The following PRRT1B variants were observed in gnomAD, a reference collection of about 807,000 sequenced individuals.
PRRT1B encodes the protein dispanin subfamily D member 2.
chr9:131,555,605 G>A (rs1951043914), intron 2 of PRRT1B, among the ~76,000 whole-genome samples: 1 of 152,038 alleles, frequency 6.6e-6, no homozygotes, highest in African/African-American at 2.4e-5. Context: ...GAGCCAGGGA[G>A]GTTGAGGCTG....
At chr9:131,552,367 T>C (rs543115843) in intron 1 of PRRT1B, among the ~76,000 whole-genome samples, 1 of 152,342 alleles carries the variant, frequency 6.6e-6, no homozygotes, top group South Asian at 2.1e-4. Flanking sequence ...TCAGGTCATC[T>C]CAGGGTTGGC....
At chr9:131,548,311 C>T (rs754387383) in intron 1 of PRRT1B, among the ~76,000 whole-genome samples, 1 of 151,998 alleles carries the variant, frequency 6.6e-6, no homozygotes, top group Non-Finnish European at 1.5e-5. Flanking sequence ...CTATGGGCAA[C>T]CTTCCACCCT....
chr9:131,553,429 A>C (rs1352935427), intron 1 of PRRT1B, among the ~76,000 whole-genome samples: 1 of 152,250 alleles, frequency 6.6e-6, no homozygotes, highest in East Asian at 1.9e-4. Context: ...GGAACATCAC[A>C]GGTAAAGGTG....
At chr9:131,556,952 C>G (rs1951054454) in intron 3 of PRRT1B, among the ~76,000 whole-genome samples, 1 of 151,938 alleles carries the variant, frequency 6.6e-6, no homozygotes, top group Non-Finnish European at 1.5e-5. Context: ...TCTCTCTAGC[C>G]TCCATCCATC....
intron 3 of PRRT1B, among the ~76,000 whole-genome samples, chr9:131,556,531 C>G (rs1245260902): frequency 1.3e-5 from 2 of 152,198 alleles, no homozygotes; most frequent in Non-Finnish European, 2.9e-5. Context: ...TCTGCTCATT[C>G]ATTCCTATGC....
intron 3 of PRRT1B, among the ~76,000 whole-genome samples, chr9:131,556,548 C>T (rs1951051746): frequency 6.6e-6 from 1 of 152,192 alleles, no homozygotes; most frequent in East Asian, 1.9e-4. Context: ...ATGCTCATCT[C>T]ATCTATCCAT....
chr9:131,559,335 C>T (rs561208265), downstream of PRRT1B, among the ~76,000 whole-genome samples: 9 of 152,276 alleles, frequency 5.9e-5, no homozygotes, highest in East Asian at 1.9e-4. Context: ...CCTAGCTACT[C>T]GGGAGGCTGA....
intron 1 of PRRT1B, among the ~76,000 whole-genome samples, 193 bp downstream of exon 1, chr9:131,545,833 G>A (rs1297815459): frequency 6.6e-6 from 1 of 151,820 alleles, no homozygotes; most frequent in African/African-American, 2.4e-5. Context: ...AGGGGCAGGT[G>A]CTGGTGGGGC....
intron 1 of PRRT1B, among the ~76,000 whole-genome samples, chr9:131,546,306 G>T (rs545784918): frequency 6.6e-6 from 1 of 152,304 alleles, no homozygotes; most frequent in African/African-American, 2.4e-5. Flanking sequence ...CGAGAGAGGT[G>T]GGGTGGGGGC....
exon 2 of PRRT1B, chr9:131,554,869 A>C: frequency 5.3e-6 from 2 of 378,552 alleles, no homozygotes; most frequent in Non-Finnish European, 9.4e-6. Context: ...CCGGACCCCA[A>C]GGCCGCGCCG....
intron 1 of PRRT1B, among the ~76,000 whole-genome samples, chr9:131,549,034 C>T (rs923891683): frequency 2.6e-5 from 4 of 152,146 alleles, no homozygotes; most frequent in Non-Finnish European, 5.9e-5. Flanking sequence ...CTGTGAGATG[C>T]TTTACAGCCC....
chr9:131,554,196 C>T (rs187258475), intron 1 of PRRT1B, among the ~76,000 whole-genome samples: 1 of 152,336 alleles, frequency 6.6e-6, no homozygotes, highest in African/African-American at 2.4e-5. Flanking sequence ...CTCAGGACAG[C>T]CAATCAGGGG....
intron 3 of PRRT1B, among the ~76,000 whole-genome samples, chr9:131,556,655 C>G (rs367709822): frequency 6.6e-6 from 1 of 151,730 alleles, no homozygotes; most frequent in Non-Finnish European, 1.5e-5. Flanking sequence ...TTTTTTGATA[C>G]AGAGTCTTGC....
At chr9:131,556,810 T>A (rs1223725858) in intron 3 of PRRT1B, among the ~76,000 whole-genome samples, 1 of 152,132 alleles carries the variant, frequency 6.6e-6, no homozygotes, top group Non-Finnish European at 1.5e-5. Context: ...TTTTTGTATT[T>A]TTAGTAGAGA....
At chr9:131,547,356 A>G (rs1002600545) in intron 1 of PRRT1B, among the ~76,000 whole-genome samples, 3 of 152,050 alleles carry the variant, frequency 2.0e-5, no homozygotes, top group Non-Finnish European at 4.4e-5. Context: ...AACTGATGAC[A>G]TTACCTTGTG....
exon 2 of PRRT1B, chr9:131,554,860 C>A (rs554877456): frequency 7.4e-5 from 28 of 376,952 alleles, no homozygotes; most frequent in African/African-American, 5.7e-4. Flanking sequence ...TACGCGCCGC[C>A]GGACCCCAAG....
rs562635668 is a variant in PRRT1B, at chr9:131,555,133, C to G, written c.498+104C>G. 9 of 75,580 alleles carry G rather than the reference C, an allele frequency of 1.2e-4. No individual in the cohort carries two copies. In the African/African-American group the frequency reaches 4.3e-3, roughly 36 times the overall value. 4.7% of individuals were successfully genotyped at this position (75,580 alleles called of 1,614,324 possible). ...GGTCACTTCTGTCCCTGGGGGCGGG[C>G]GAGTCCGGGAGGCTCCCTGGAGGTG... On this transcript the variant is annotated intron_variant, in intron 2 of 3. Transcript: ENST00000636672.
intron 1 of PRRT1B, among the ~76,000 whole-genome samples, chr9:131,546,686 C>T (rs1421199639): frequency 6.6e-6 from 1 of 150,742 alleles, no homozygotes; most frequent in African/African-American, 2.4e-5. Context: ...GGAGCCCGGA[C>T]CCCCCTTCCC....
At chr9:131,547,406 T>C (rs768419911) in intron 1 of PRRT1B, among the ~76,000 whole-genome samples, 16 of 152,098 alleles carry the variant, frequency 1.1e-4, no homozygotes, top group Non-Finnish European at 1.3e-4. Context: ...AAAAGCTCCC[T>C]CACTGAGCAC....
Sources: allele counts gnomAD v4.1 joint callset (sites outside exome capture counted in the v4.1 genomes callset), GRCh38; gene constraint gnomAD v4.1.1; transcripts MANE v1.5; gene names NCBI Gene and HGNC (gene_info 2026-07-23, HGNC 2026-07-21).